The following KCNIP4 variants were observed in gnomAD, a reference collection of about 807,000 sequenced individuals.
KCNIP4 encodes the protein potassium voltage-gated channel interacting protein 4.
In KCNIP4, 12 loss-of-function variants were observed where a neutral mutation model predicts 34.0. That is an observed-to-expected ratio of 0.35 (90% CI 0.23 to 0.57). KCNIP4 has a LOEUF of 0.57. KCNIP4 is among the 20% of genes least tolerant of loss of function. KCNIP4 has a pLI of 0.83. For missense variants in KCNIP4, 238 were observed against 311.7 expected (o/e 0.76, Z 1.78); for synonymous variants, 124 against 102.2 (o/e 1.21, Z -1.29).
At chr4:21,399,829 A>T (rs1723322210) in intron 1 of KCNIP4, among the ~76,000 whole-genome samples, 1 of 152,234 alleles carries the variant, frequency 6.6e-6, no homozygotes. Context: ...AAATCTGACA[A>T]TTCTAATTCT....
At chr4:21,263,218 A>C (rs913118445) in intron 1 of KCNIP4, among the ~76,000 whole-genome samples, 21 of 152,248 alleles carry the variant, frequency 1.4e-4, no homozygotes, top group African/African-American at 4.3e-4. Context: ...GCCAGGCAGC[A>C]CTAAGGTAGA....
At chr4:20,753,662 C>T (rs1009216235) in intron 4 of KCNIP4, among the ~76,000 whole-genome samples, 4 of 152,108 alleles carry the variant, frequency 2.6e-5, no homozygotes, top group East Asian at 1.9e-4. Flanking sequence ...TTCATGACAT[C>T]GTTACTATGG....
intron 1 of KCNIP4, among the ~76,000 whole-genome samples, chr4:21,693,099 T>A (rs1711859355): frequency 1.1e-5 from 1 of 94,130 alleles, no homozygotes; most frequent in Non-Finnish European, 2.4e-5. Flanking sequence ...TTGCTTAGGA[T>A]CACCTCTTCC....
chr4:20,927,897 T>A (rs1730057495), intron 1 of KCNIP4, among the ~76,000 whole-genome samples: 1 of 152,176 alleles, frequency 6.6e-6, no homozygotes, highest in African/African-American at 2.4e-5. Flanking sequence ...ACTATTTTTG[T>A]CTAAGCACTG....
chr4:20,864,034 G>GTATGTATACATACA (rs1560524915), intron 2 of KCNIP4, among the ~76,000 whole-genome samples: 2 of 100,726 alleles, frequency 2.0e-5, no homozygotes, highest in Non-Finnish European at 4.1e-5. Flanking sequence ...ACATACATAT[G>GTATGTATACATACA]TATGTATACG....
intron 1 of KCNIP4, among the ~76,000 whole-genome samples, chr4:21,945,213 T>C (rs1270082437): frequency 6.6e-6 from 1 of 152,194 alleles, no homozygotes; most frequent in African/African-American, 2.4e-5. Flanking sequence ...TGGCCTACAA[T>C]TCTCCAGAAA....
At chr4:20,928,593 T>G (rs1219464257) in intron 1 of KCNIP4, among the ~76,000 whole-genome samples, 2 of 151,168 alleles carry the variant, frequency 1.3e-5, no homozygotes, top group East Asian at 3.9e-4. Context: ...AAACCCAAAG[T>G]TAGTGGAAAA....
chr4:21,858,982 G>T (rs1296427120), intron 1 of KCNIP4, among the ~76,000 whole-genome samples: 3 of 152,176 alleles, frequency 2.0e-5, no homozygotes, highest in South Asian at 4.1e-4. Context: ...CTGTGTGGGA[G>T]TAAAGAAGAG....
chr4:21,200,348 A>ATG (rs1181437365), intron 1 of KCNIP4, among the ~76,000 whole-genome samples: 2 of 93,646 alleles, frequency 2.1e-5, no homozygotes, highest in Non-Finnish European at 4.4e-5. Context: ...ACATACATAT[A>ATG]TGTGTGTATA....
At chr4:21,750,424 G>A (rs139679099) in intron 1 of KCNIP4, among the ~76,000 whole-genome samples, 1 of 152,266 alleles carries the variant, frequency 6.6e-6, no homozygotes, top group East Asian at 1.9e-4. Context: ...AAACTGGAGT[G>A]ACACCAGCAT....
intron 1 of KCNIP4, among the ~76,000 whole-genome samples, chr4:21,367,467 C>A (rs1719900252): frequency 6.7e-6 from 1 of 148,510 alleles, no homozygotes; most frequent in South Asian, 2.1e-4. Context: ...GCTGGAGACT[C>A]TACCTAACTG....
chr4:20,855,341 T>C (rs1385630663), intron 2 of KCNIP4, among the ~76,000 whole-genome samples: 2 of 152,172 alleles, frequency 1.3e-5, no homozygotes, highest in Non-Finnish European at 2.9e-5. Context: ...GTATGAAGCC[T>C]TGGCTTCCCC....
At chr4:21,833,987 T>G (rs1181998253) in intron 1 of KCNIP4, among the ~76,000 whole-genome samples, 1 of 151,988 alleles carries the variant, frequency 6.6e-6, no homozygotes, top group Non-Finnish European at 1.5e-5. Context: ...CTGTTTTGGT[T>G]ACTGTAGCCT....
chr4:21,825,200 C>T (rs1210954368), intron 1 of KCNIP4, among the ~76,000 whole-genome samples: 1 of 151,678 alleles, frequency 6.6e-6, no homozygotes, highest in East Asian at 1.9e-4. Flanking sequence ...TTATCAAGTG[C>T]CACTGAGAGA....
intron 1 of KCNIP4, among the ~76,000 whole-genome samples, chr4:20,891,869 TGG>T: frequency 6.6e-6 from 1 of 152,324 alleles, no homozygotes; most frequent in East Asian, 1.9e-4. Context: ...ATTTTTAAAG[TGG>T]ACTTACAGTT....
chr4:21,697,824 A>C, intron 1 of KCNIP4: 1 of 209,394 alleles, frequency 4.8e-6, no homozygotes, highest in Non-Finnish European at 8.8e-6. Flanking sequence ...ATGCCAGCTC[A>C]TCAGTGAATC....
At chr4:20,860,446 A>G (rs186218049) in intron 2 of KCNIP4, among the ~76,000 whole-genome samples, 1 of 152,304 alleles carries the variant, frequency 6.6e-6, no homozygotes, top group East Asian at 1.9e-4. Flanking sequence ...TCCCATTTCT[A>G]AATACAACAT....
At chr4:21,919,614 A>C (rs1728829991) in intron 1 of KCNIP4, among the ~76,000 whole-genome samples, 1 of 152,130 alleles carries the variant, frequency 6.6e-6, no homozygotes, top group African/African-American at 2.4e-5. Flanking sequence ...AATTATGATG[A>C]GTCTATCTAG....
At chr4:21,855,583 TTTC>T (rs2109342501) in intron 1 of KCNIP4, 1 of 152,322 alleles carries the variant, frequency 6.6e-6, no homozygotes, top group South Asian at 2.1e-4. Context: ...GCCCTAGCAG[TTTC>T]TTTTTTCTGG....
Sources: gnomAD v4.1 joint callset for allele counts (sites outside exome capture counted in the v4.1 genomes callset) on GRCh38, gnomAD v4.1.1 for gene constraint, MANE v1.5 for transcripts, NCBI Gene and HGNC (gene_info 2026-07-23, HGNC 2026-07-21) for gene names.